The following SHANK2 variants were observed in gnomAD, a reference collection of about 807,000 sequenced individuals.
SHANK2 encodes SH3 and multiple ankyrin repeat domains protein 2.
Under a neutral mutation model 133.7 loss-of-function variants are expected in SHANK2, and 43 were observed. The ratio of observed to expected loss-of-function variants is 0.32; its 90% CI spans 0.25 to 0.41. The LOEUF (loss-of-function observed/expected upper bound fraction) is 0.41. Among genes scored for constraint, SHANK2 ranks in the 10% least tolerant of loss-of-function variants. The probability of loss-of-function intolerance (pLI) is 1.00; values close to 1 mark genes in which losing one functional copy is unlikely to be tolerated. For synonymous variants in SHANK2, 1,017 were observed against 952.8 expected, an observed-to-expected ratio of 1.07 and a Z score of -1.24; for missense variants, 1,994 against 2,235.8, an observed-to-expected ratio of 0.89 and a Z score of 2.18.
chr11:71,187,002 C>T (rs1953688655), intron 2 of SHANK2, among the ~76,000 whole-genome samples: 2 of 152,190 alleles, frequency 1.3e-5, no homozygotes, highest in Admixed American at 1.3e-4. Context: ...TGCCGCCAAG[C>T]GGAAAGGTCA....
chr11:71,196,997 CAAAAAA>C (rs71467429), intron 2 of SHANK2, among the ~76,000 whole-genome samples: 6 of 81,924 alleles, frequency 7.3e-5, no homozygotes, highest in African/African-American at 2.3e-4. Context: ...GACTCTGTCT[CAAAAAA>C]AAAAAAAAAA....
At chr11:70,568,646 G>GCCCCCCCCCCCCCCCCCCCCCCCCCCCC (rs66982078) in intron 17 of SHANK2, among the ~76,000 whole-genome samples, 1 of 79,966 alleles carries the variant, frequency 1.3e-5, no homozygotes, top group African/African-American at 3.9e-5. Flanking sequence ...GCGGATTCCT[G>GCCCCCCCCCCCCCCCCCCCCCCCCCCCC]CCCCCCCCGC....
At chr11:71,215,115 C>T (rs1369318943) in intron 2 of SHANK2, among the ~76,000 whole-genome samples, 2 of 152,208 alleles carry the variant, frequency 1.3e-5, no homozygotes, top group Admixed American at 1.3e-4. Context: ...CAGGCATGCC[C>T]CGATGTGCGA....
chr11:70,861,726 AG>A (rs1949261647), intron 11 of SHANK2, among the ~76,000 whole-genome samples: 1 of 152,210 alleles, frequency 6.6e-6, no homozygotes, highest in South Asian at 2.1e-4. Flanking sequence ...TGCAGGCTGC[AG>A]GGTTTGTGCC....
intron 17 of SHANK2, chr11:70,604,856 C>T (rs1306483158): frequency 2.0e-5 from 3 of 152,408 alleles, no homozygotes; most frequent in Admixed American, 1.3e-4. Context: ...GGACGGAAGC[C>T]CCAGTGGCCT....
In SHANK2 at chr11:71,088,502, G is replaced by A. The variant is rs1055928408; in HGVS notation, c.912+3920C>T. ...AGACTCATTATCCATTTGGCCAGGC[G>A]GGAGGGACGTCCCCAACGTCCATGT... On this transcript the variant is annotated intron_variant, in intron 8 of 25. Transcript: ENST00000601538. 2.1e-3 allele frequency among the ~76,000 whole-genome samples: 315 copies of A among 152,118 alleles called. 1 individual carries two copies. Among genetic ancestry groups the A allele is most frequent in the African/African-American group, 7.3e-3 (304 of 41,498 alleles).
chr11:71,253,019 A>T (rs1948214223), upstream of SHANK2, among the ~76,000 whole-genome samples: 1 of 152,224 alleles, frequency 6.6e-6, no homozygotes, highest in South Asian at 2.1e-4. Flanking sequence ...TTGCAGAGCA[A>T]ACGAAAACTT....
chr11:71,064,343 G>C (rs1294462064), intron 9 of SHANK2, among the ~76,000 whole-genome samples: 1 of 152,188 alleles, frequency 6.6e-6, no homozygotes, highest in Non-Finnish European at 1.5e-5. Context: ...AGAGCCTGGG[G>C]ACAGCTGGGC....
chr11:70,623,452 T>C (rs1035601325), intron 17 of SHANK2, among the ~76,000 whole-genome samples: 1 of 152,214 alleles, frequency 6.6e-6, no homozygotes, highest in Non-Finnish European at 1.5e-5. Context: ...TGTCCCATCA[T>C]GCAGCCAGAT....
chr11:70,567,887 G>C (rs1461557480), intron 17 of SHANK2, among the ~76,000 whole-genome samples: 1 of 152,210 alleles, frequency 6.6e-6, no homozygotes, highest in Admixed American at 6.5e-5. Context: ...TGCAGGGCTG[G>C]GAGGGAAGCT....
intron 2 of SHANK2, among the ~76,000 whole-genome samples, chr11:71,149,189 T>C (rs1390769578): frequency 6.6e-6 from 1 of 152,098 alleles, no homozygotes; most frequent in Non-Finnish European, 1.5e-5. Context: ...AGTCCTGAGC[T>C]GAAGACGATG....
At position 70,803,034 on chromosome 11, in the gene SHANK2, C is replaced by T. The variant is rs532792544; in HGVS notation, c.1663+3968G>A. Among the ~76,000 whole-genome samples, 17 of 152,090 alleles carry T rather than the reference C, an allele frequency of 1.1e-4. No homozygotes were observed. The East Asian group carries it at 2.3e-3, about 21-fold the overall frequency. ...AGAGAGGGAGCGTGGCAGGTGGGGG[C>T]GAGGACACTCCCAGAGGAAGGGACA... On this transcript the variant is annotated intron_variant, in intron 13 of 25. Transcript: ENST00000601538.
chr11:70,629,239 T>C (rs1399408353), intron 17 of SHANK2, among the ~76,000 whole-genome samples: 1 of 152,148 alleles, frequency 6.6e-6, no homozygotes, highest in East Asian at 1.9e-4. Context: ...AGCCACACCC[T>C]GTCCCCTGCC....
chr11:70,549,858 G>T (rs531648339), intron 17 of SHANK2, among the ~76,000 whole-genome samples: 158 of 152,348 alleles, frequency 1.0e-3, no homozygotes, highest in South Asian at 1.0e-3. Context: ...TTTTTCACCA[G>T]GCAAGGGGCT....
intron 17 of SHANK2, among the ~76,000 whole-genome samples, chr11:70,587,159 G>A (rs377718894): frequency 9.5e-4 from 144 of 152,254 alleles, no homozygotes; most frequent in African/African-American, 3.2e-3. Context: ...CACTTCCACT[G>A]CCGTACAGAG....
At chr11:70,659,214 T>C (rs1258875038) in intron 17 of SHANK2, among the ~76,000 whole-genome samples, 2 of 152,184 alleles carry the variant, frequency 1.3e-5, no homozygotes, top group Non-Finnish European at 2.9e-5. Context: ...AGGAAGAGAA[T>C]GCTCTTTCCT....
chr11:70,947,658 G>A (rs139697947), intron 10 of SHANK2, among the ~76,000 whole-genome samples: 2,721 of 152,178 alleles, frequency 0.018, 209 homozygotes, highest in Admixed American at 0.14. Flanking sequence ...GAGCCACTGC[G>A]CCTGGCCTGA....
At chr11:70,562,198 T>C (rs1390105101) in intron 17 of SHANK2, among the ~76,000 whole-genome samples, 1 of 152,254 alleles carries the variant, frequency 6.6e-6, no homozygotes, top group Admixed American at 6.5e-5. Context: ...TTATTGAGAC[T>C]TGTTTTATGG....
At position 70,502,818 on chromosome 11, in the gene SHANK2, G is replaced by C. The variant is rs546959614; in HGVS notation, c.2175C>G (p.Pro725=). The stretch of plus-strand genomic sequence containing the variant: ...TACCTTTCTTCCTGGCGGTGTCGTC[G>C]GGGTCCAGATTCCTGGTCACCGTGA... ...KVVTVTRNLD[P]DDTARKKAPP... Residue 725 remains proline (P), a synonymous_variant, in exon 18 of 26, where the codon CCC becomes CCG. Coordinates refer to ENST00000601538, the MANE Select transcript of SHANK2 (RefSeq NM_012309.5). The C allele has an allele frequency of 1.9e-6, 3 of 1,609,476 alleles. No individual in the cohort carries two copies. The highest frequency in any genetic ancestry group is 2.5e-6 in the Non-Finnish European group (3 of 1,179,548).
Sources: allele counts gnomAD v4.1 joint callset (sites outside exome capture counted in the v4.1 genomes callset), GRCh38; gene constraint gnomAD v4.1.1; transcripts MANE v1.5; gene names NCBI Gene and HGNC (gene_info 2026-07-23, HGNC 2026-07-21).